ANGPT1: variants seen among roughly 807,000 people sequenced by gnomAD.
The protein encoded by ANGPT1 is angiopoietin-1.
ANGPT1 carries 17 observed loss-of-function variants against 62.2 expected under a neutral mutation model. The observed-to-expected ratio is 0.27, with a 90% CI of 0.19 to 0.41. The LOEUF is 0.41. Ranked by LOEUF, ANGPT1 falls within the 10% of genes least tolerant of loss-of-function variation. The pLI is 1.00. For synonymous variants in ANGPT1, 199 were observed against 198.9 expected (o/e 1.00, Z 0.00); for missense variants, 478 against 594.9 (o/e 0.80, Z 2.04).
At chr8:107,422,663 C>T (rs963905078) in intron 1 of ANGPT1, among the ~76,000 whole-genome samples, 2 of 152,114 alleles carry the variant, frequency 1.3e-5, no homozygotes, top group Admixed American at 1.3e-4. Flanking sequence ...TCAGACACCT[C>T]TAATTATCAC....
At chr8:107,422,741 A>C (rs954960312) in intron 1 of ANGPT1, among the ~76,000 whole-genome samples, 5 of 152,212 alleles carry the variant, frequency 3.3e-5, no homozygotes, top group South Asian at 2.1e-4. Flanking sequence ...GTCTCATTTA[A>C]ACTTTTTACT....
At chr8:107,371,070 A>T (rs1295005582) in intron 1 of ANGPT1, among the ~76,000 whole-genome samples, 1 of 152,240 alleles carries the variant, frequency 6.6e-6, no homozygotes, top group African/African-American at 2.4e-5. Flanking sequence ...TTAGGCAACC[A>T]ACAGATAATC....
intron 1 of ANGPT1, among the ~76,000 whole-genome samples, chr8:107,373,807 A>G (rs1175300818): frequency 6.6e-6 from 1 of 152,234 alleles, no homozygotes; most frequent in African/African-American, 2.4e-5. Flanking sequence ...ATGAAGTAGA[A>G]AGACTTATTA....
intron 1 of ANGPT1, among the ~76,000 whole-genome samples, chr8:107,457,850 A>C (rs1811960629): frequency 6.7e-6 from 1 of 150,114 alleles, no homozygotes; most frequent in South Asian, 2.1e-4. Flanking sequence ...ACACACACAC[A>C]CACACACACA....
intron 6 of ANGPT1, among the ~76,000 whole-genome samples, chr8:107,286,662 T>C (rs966597595): frequency 6.6e-6 from 1 of 152,162 alleles, no homozygotes; most frequent in Non-Finnish European, 1.5e-5. Context: ...TTTGATAGGC[T>C]GAATATGCTT....
chr8:107,414,712 T>G, intron 1 of ANGPT1, among the ~76,000 whole-genome samples: 1 of 152,160 alleles, frequency 6.6e-6, no homozygotes, highest in East Asian at 1.9e-4. Flanking sequence ...AGTATAGCAC[T>G]TCCCACTTCC....
intron 4 of ANGPT1, among the ~76,000 whole-genome samples, chr8:107,308,370 T>C (rs192696794): frequency 4.6e-5 from 7 of 152,262 alleles, no homozygotes; most frequent in Non-Finnish European, 4.4e-5. Flanking sequence ...TGACCAGAAA[T>C]TGGTTTCTTA....
chr8:107,339,160 G>A (rs927829200), intron 2 of ANGPT1, among the ~76,000 whole-genome samples: 34 of 152,154 alleles, frequency 2.2e-4, no homozygotes, highest in African/African-American at 8.0e-4. Flanking sequence ...ACAGTTCCCA[G>A]TTTGTCTTCC....
chr8:107,308,991 A>G (rs1035783853), intron 4 of ANGPT1, among the ~76,000 whole-genome samples: 13 of 152,144 alleles, frequency 8.5e-5, no homozygotes, highest in Non-Finnish European at 1.6e-4. Context: ...GGTCACTTCA[A>G]TTCAGATGAA....
chr8:107,360,881 A>C (rs2445352), intron 1 of ANGPT1, among the ~76,000 whole-genome samples: 35,222 of 152,148 alleles, frequency 0.23, 5,073 homozygotes, highest in African/African-American at 0.39. Context: ...ACATTTGAGG[A>C]CTTTGTAAGC....
At chr8:107,345,559 A>T (rs549479007) in intron 2 of ANGPT1, among the ~76,000 whole-genome samples, 4 of 152,312 alleles carry the variant, frequency 2.6e-5, no homozygotes, top group African/African-American at 7.2e-5. Context: ...ACTTATACAA[A>T]TTTCAAATAT....
chr8:107,330,834 G>T (rs1815403120), intron 3 of ANGPT1, among the ~76,000 whole-genome samples: 1 of 152,004 alleles, frequency 6.6e-6, no homozygotes, highest in African/African-American at 2.4e-5. Context: ...TTTCCAATTT[G>T]ATCAGAATTG....
At chr8:107,331,845 A>G (rs1815428889) in intron 3 of ANGPT1, among the ~76,000 whole-genome samples, 1 of 152,078 alleles carries the variant, frequency 6.6e-6, no homozygotes, top group Non-Finnish European at 1.5e-5. Flanking sequence ...CACTCTGCAT[A>G]CTCAGCACAA....
Position 107,466,047 on chromosome 8 carries a change from A to G in ANGPT1, c.297+31215T>C, listed in dbSNP as rs532048243. On this transcript the variant is annotated intron_variant, in intron 1 of 8. Coordinates refer to ENST00000517746, the MANE Select transcript of ANGPT1 (RefSeq NM_001146.5). Reference sequence around the variant, plus strand: ...CCTGGCATTGATGCATTTGAGCAGAATGCCCATCAGGGGCATTGTAATGTG... The same window carrying G: ...CCTGGCATTGATGCATTTGAGCAGAGTGCCCATCAGGGGCATTGTAATGTG... Among the ~76,000 whole-genome samples the G allele has an allele frequency of 2.0e-4, 31 of 152,284 alleles. 1 individual carries two copies. In the South Asian group the frequency reaches 2.9e-3, roughly 14 times the overall value.
chr8:107,251,913 T>C lies in ANGPT1; in HGVS notation c.1439A>G (p.Lys480Arg), dbSNP rs371122504. Residue 480 changes from lysine (K) to arginine (R), a missense_variant, in exon 9 of 9, where the codon AAA (lysine) becomes AGA (arginine). Physicochemically the swap from Lys to Arg is conservative, Grantham distance 26. Transcript: ENST00000517746. The stretch of plus-strand genomic sequence containing the variant: ...GGAACGTAAGGAGTAACTGGGCCCT[T>C]TGAAGTAGTGCCACTTTATCCCATT... The part of the protein sequence containing the change: ...KLNGIKWHYF[K>R]GPSYSLRSTT... 1.2e-6 allele frequency: 2 copies of C among 1,613,892 alleles called. No homozygotes were observed. The highest frequency in any genetic ancestry group is 1.7e-6 in the Non-Finnish European group (2 of 1,179,910).
chr8:107,250,953 T>C lies in ANGPT1; in HGVS notation c.*902A>G, dbSNP rs1473487432. The C allele has an allele frequency of 2.6e-5, 4 of 152,162 alleles. No individual in the cohort carries two copies. The highest frequency in any genetic ancestry group is 9.6e-5 in the African/African-American group (4 of 41,460). 9.4% of individuals were successfully genotyped at this position (152,162 alleles called of 1,614,324 possible). ...TCCAAAATATTGCTTTCCTGTATAA[T>C]ATCAAAGGAAATATTAAATGCATGT... On this transcript the variant is annotated 3_prime_UTR_variant, in exon 9 of 9. Coordinates refer to ENST00000517746, the MANE Select transcript of ANGPT1 (RefSeq NM_001146.5).
Position 107,249,669 on chromosome 8 carries a change from C to G in ANGPT1, c.*2186G>C, listed in dbSNP as rs1423241084. ...TGTACGTATTACATAATACACATAA[C>G]AATCATAAAACATTTTATACTGATT... On this transcript the variant is annotated 3_prime_UTR_variant, in exon 9 of 9. Transcript: ENST00000517746. The G allele has an allele frequency of 2.0e-5, 3 of 152,056 alleles. No individual in the cohort carries two copies. Among genetic ancestry groups the G allele is most frequent in the Non-Finnish European group, 1.5e-5 (1 of 67,998 alleles). 9.4% of individuals were successfully genotyped at this position (152,056 alleles called of 1,614,324 possible).
intron 1 of ANGPT1, among the ~76,000 whole-genome samples, chr8:107,455,978 C>T (rs1384690996): frequency 6.6e-6 from 1 of 152,012 alleles, no homozygotes; most frequent in African/African-American, 2.4e-5. Context: ...GAAAGTTGAT[C>T]TTCATTGGTT....
At chr8:107,451,947 CTT>C (rs976429412) in intron 1 of ANGPT1, among the ~76,000 whole-genome samples, 2 of 151,698 alleles carry the variant, frequency 1.3e-5, no homozygotes, top group East Asian at 1.9e-4. Context: ...TTGTTTTTCT[CTT>C]TGTTTTCTGT....
Sources: allele counts gnomAD v4.1 joint callset (sites outside exome capture counted in the v4.1 genomes callset), GRCh38; gene constraint gnomAD v4.1.1; transcripts MANE v1.5; gene names NCBI Gene and HGNC (gene_info 2026-07-23, HGNC 2026-07-21).